The following BAZ2B variants were observed in gnomAD, a reference collection of about 807,000 sequenced individuals.
The protein encoded by BAZ2B is bromodomain adjacent to zinc finger domain 2B.
Under a neutral mutation model 246.0 loss-of-function variants are expected in BAZ2B, and 91 were observed. The observed-to-expected ratio is 0.37, with a 90% CI of 0.31 to 0.44. The LOEUF (loss-of-function observed/expected upper bound fraction) is 0.44. Ranked by LOEUF, BAZ2B falls within the 20% of genes least tolerant of loss-of-function variation. The pLI, the probability that BAZ2B is intolerant of heterozygous loss-of-function variation, is 1.00. For synonymous variants in BAZ2B, 855 were observed against 860.0 expected (o/e 0.99, Z 0.10); for missense variants, 2,332 against 2,533.7 (o/e 0.92, Z 1.71).
intron 1 of BAZ2B, among the ~76,000 whole-genome samples, chr2:159,595,492 G>A (rs998656756): frequency 3.3e-5 from 5 of 152,152 alleles, no homozygotes; most frequent in East Asian, 1.9e-4. Flanking sequence ...AGAGGTATGC[G>A]TGCTGTAAAA....
At chr2:159,436,616 T>A (rs1182388631) in intron 8 of BAZ2B, among the ~76,000 whole-genome samples, 1 of 152,078 alleles carries the variant, frequency 6.6e-6, no homozygotes, top group Non-Finnish European at 1.5e-5. Context: ...CTGGGCATGG[T>A]GGCGGGCGCC....
chr2:159,671,901 C>A, the BAZ2B span, among the ~76,000 whole-genome samples: 2 of 152,246 alleles, frequency 1.3e-5, no homozygotes, highest in South Asian at 4.1e-4. Context: ...TAGAATAGTT[C>A]TCTTGGGAGC....
chr2:159,445,078 T>C (rs1275701844), intron 6 of BAZ2B, among the ~76,000 whole-genome samples: 1 of 152,148 alleles, frequency 6.6e-6, no homozygotes, highest in Non-Finnish European at 1.5e-5. Flanking sequence ...CTACATTTTA[T>C]AAAATTGAGA....
chr2:159,635,629 T>C, the BAZ2B span, among the ~76,000 whole-genome samples: 7 of 151,924 alleles, frequency 4.6e-5, 1 homozygote, highest in Non-Finnish European at 1.0e-4. Context: ...TCTTGTCTGG[T>C]TCTGCTACTC....
chr2:159,531,358 A>G (rs1020234870), intron 2 of BAZ2B, among the ~76,000 whole-genome samples: 1 of 152,168 alleles, frequency 6.6e-6, no homozygotes, highest in African/African-American at 2.4e-5. Context: ...AAAAACTTCT[A>G]TGAGATGTTT....
the BAZ2B span, among the ~76,000 whole-genome samples, chr2:159,637,988 C>T: frequency 6.6e-6 from 1 of 152,272 alleles, no homozygotes; most frequent in African/African-American, 2.4e-5. Flanking sequence ...GCTGTGCTGG[C>T]TTCAGGTCTG....
At chr2:159,363,909 A>G (rs2059966515) in intron 27 of BAZ2B, among the ~76,000 whole-genome samples, 1 of 152,176 alleles carries the variant, frequency 6.6e-6, no homozygotes, top group South Asian at 2.1e-4. Context: ...CTTCATCCAC[A>G]CAAACTGATA....
chr2:159,543,224 T>A (rs994642552), intron 2 of BAZ2B, among the ~76,000 whole-genome samples: 9 of 152,228 alleles, frequency 5.9e-5, no homozygotes, highest in Admixed American at 4.6e-4. Flanking sequence ...CCCATATTTC[T>A]GTGAAACAAA....
At chr2:159,372,896 G>T in intron 27 of BAZ2B, 149 bp downstream of exon 27, 1 of 833,522 alleles carries the variant, frequency 1.2e-6, no homozygotes, top group Non-Finnish European at 1.8e-6. Context: ...CAGTGAAGGG[G>T]CATTATGAGT....
intron 25 of BAZ2B, among the ~76,000 whole-genome samples, chr2:159,378,886 C>T (rs182590492): frequency 1.3e-5 from 2 of 152,190 alleles, no homozygotes; most frequent in African/African-American, 4.8e-5. Context: ...TAGTGTTACA[C>T]TGTTGGGAGT....
chr2:159,377,059 A>G (rs1478127448), intron 25 of BAZ2B, among the ~76,000 whole-genome samples: 1 of 152,190 alleles, frequency 6.6e-6, no homozygotes, highest in Middle Eastern at 3.2e-3. Context: ...TACGGAATGA[A>G]GGAATGAAGA....
chr2:159,549,774 T>TAA (rs201877310), intron 2 of BAZ2B, among the ~76,000 whole-genome samples: 80 of 132,742 alleles, frequency 6.0e-4, no homozygotes, highest in African/African-American at 2.0e-3. Flanking sequence ...GTGAGATGTT[T>TAA]AAAAAAAAAA....
chr2:159,637,732 T>G, the BAZ2B span, among the ~76,000 whole-genome samples: 1 of 152,132 alleles, frequency 6.6e-6, no homozygotes, highest in Non-Finnish European at 1.5e-5. Context: ...TAATTTTTTT[T>G]GTATTTTTCT....
chr2:159,588,032 AAAATTACAC>A (rs773948602), intron 1 of BAZ2B, among the ~76,000 whole-genome samples: 5 of 152,062 alleles, frequency 3.3e-5, no homozygotes, highest in Non-Finnish European at 7.4e-5. Flanking sequence ...GTCTCTACTA[AAAATTACAC>A]AAATTGGCCG....
chr2:159,598,234 C>T (rs894645562), intron 1 of BAZ2B, among the ~76,000 whole-genome samples: 1 of 151,976 alleles, frequency 6.6e-6, no homozygotes, highest in Admixed American at 6.6e-5. Flanking sequence ...TCTTGTGATC[C>T]ACCCACCTCA....
chr2:159,418,960 A>G (rs1355509089), intron 13 of BAZ2B, among the ~76,000 whole-genome samples: 2 of 152,194 alleles, frequency 1.3e-5, no homozygotes, highest in East Asian at 3.8e-4. Context: ...AATCTGGATT[A>G]AGGCAATTGG....
At chr2:159,582,012 T>C (rs1165262134) in intron 1 of BAZ2B, among the ~76,000 whole-genome samples, 1 of 152,010 alleles carries the variant, frequency 6.6e-6, no homozygotes, top group Non-Finnish European at 1.5e-5. Flanking sequence ...GGCACATGTG[T>C]ACATATGTAA....
intron 2 of BAZ2B, among the ~76,000 whole-genome samples, chr2:159,500,338 T>A (rs1410602898): frequency 6.6e-6 from 1 of 152,154 alleles, no homozygotes; most frequent in Non-Finnish European, 1.5e-5. Context: ...AGGTGTGTGA[T>A]CTTATTTCTG....
At chr2:159,406,764 C>CT (rs1376089908) in intron 14 of BAZ2B, among the ~76,000 whole-genome samples, 140 of 150,960 alleles carry the variant, frequency 9.3e-4, no homozygotes, top group African/African-American at 2.6e-3. Flanking sequence ...TCTTTCTTTT[C>CT]TTTTTTTTTG....
Sources: allele counts gnomAD v4.1 joint callset (sites outside exome capture counted in the v4.1 genomes callset), GRCh38; gene constraint gnomAD v4.1.1; transcripts MANE v1.5; gene names NCBI Gene and HGNC (gene_info 2026-07-23, HGNC 2026-07-21).